Variants in TRABD2A observed in about 807,000 individuals in gnomAD.
TRABD2A encodes metalloprotease TIKI1.
TRABD2A carries 43 observed loss-of-function variants against 45.6 expected under a neutral mutation model. The ratio of observed to expected loss-of-function variants is 0.94; its 90% CI spans 0.74 to 1.22. The LOEUF is 1.22. Among genes scored for constraint, TRABD2A ranks in the 50% most tolerant of loss-of-function variants. The pLI is 0.00. For missense variants in TRABD2A, 642 were observed against 652.4 expected (o/e 0.98, Z 0.17); for synonymous variants, 269 against 265.0 (o/e 1.02, Z -0.15).
At chr2:84,850,166 C>T (rs1682031726) in intron 2 of TRABD2A, among the ~76,000 whole-genome samples, 1 of 152,088 alleles carries the variant, frequency 6.6e-6, no homozygotes, top group Non-Finnish European at 1.5e-5. Flanking sequence ...CCTTGTCACT[C>T]ACTGTCAATC....
At chr2:84,824,492 G>A (rs1157085589) in intron 5 of TRABD2A, among the ~76,000 whole-genome samples, 3 of 146,240 alleles carry the variant, frequency 2.1e-5, no homozygotes, top group Non-Finnish European at 3.0e-5. Context: ...AATTACTGTA[G>A]TTTTCCAACA....
At chr2:84,860,531 G>C (rs1347464709) in intron 2 of TRABD2A, among the ~76,000 whole-genome samples, 1 of 152,218 alleles carries the variant, frequency 6.6e-6, no homozygotes, top group African/African-American at 2.4e-5. Context: ...GACACTTTCT[G>C]TTGTTTAAGC....
chr2:84,878,382 G>A (rs1044684023), intron 1 of TRABD2A, among the ~76,000 whole-genome samples: 4 of 151,994 alleles, frequency 2.6e-5, no homozygotes, highest in South Asian at 2.1e-4. Context: ...AAAATTAGCC[G>A]GGCTTGGTGG....
chr2:84,833,886 T>C lies in TRABD2A; in HGVS notation c.992-1741A>G, dbSNP rs187760410. 4.6e-3 allele frequency: 704 copies of C among 152,364 alleles called. 5 individuals carry two copies. Among genetic ancestry groups the C allele is most frequent in the African/African-American group, 0.016 (657 of 41,490 alleles). 9.4% of individuals were successfully genotyped at this position (152,364 alleles called of 1,614,324 possible). A position where few individuals can be genotyped will look rare whatever the true frequency, so the allele number is the denominator to read the frequency against. On this transcript the variant is annotated intron_variant, in intron 4 of 6. Transcript: ENST00000409520. ...GTTGGTGTTGCCTGTTCCACCTGCC[T>C]GGCAGAACCCCCACCACGAGGGCCC...
At chr2:84,827,556 C>A (rs1375876822) in intron 5 of TRABD2A, among the ~76,000 whole-genome samples, 3 of 152,202 alleles carry the variant, frequency 2.0e-5, no homozygotes, top group African/African-American at 7.2e-5. Flanking sequence ...CCTTAGAGCA[C>A]CCCGCTGTGT....
At chr2:84,869,744 C>T (rs1397571061) in intron 2 of TRABD2A, among the ~76,000 whole-genome samples, 1 of 151,908 alleles carries the variant, frequency 6.6e-6, no homozygotes, top group Admixed American at 6.6e-5. Context: ...CTTTGGGAGG[C>T]CGAGGCAGGC....
chr2:84,878,491 C>T (rs1683104262), intron 1 of TRABD2A, among the ~76,000 whole-genome samples: 1 of 150,272 alleles, frequency 6.7e-6, no homozygotes, highest in South Asian at 2.1e-4. Flanking sequence ...CATCACTGCA[C>T]TCTAGCCTGG....
At chr2:84,860,127 T>C (rs1358123617) in intron 2 of TRABD2A, among the ~76,000 whole-genome samples, 2 of 152,154 alleles carry the variant, frequency 1.3e-5, no homozygotes, top group African/African-American at 4.8e-5. Context: ...TGTTTTCACT[T>C]TGATTGGACA....
intron 5 of TRABD2A, among the ~76,000 whole-genome samples, chr2:84,828,303 G>T (rs1681207489): frequency 6.6e-6 from 1 of 152,138 alleles, no homozygotes; most frequent in Non-Finnish European, 1.5e-5. Flanking sequence ...AAGGGAGCTG[G>T]CAGGGCCTTA....
chr2:84,828,608 A>G (rs1029190472), intron 5 of TRABD2A, among the ~76,000 whole-genome samples: 1 of 152,136 alleles, frequency 6.6e-6, no homozygotes, highest in African/African-American at 2.4e-5. Context: ...ACCTGGGACC[A>G]CTGTATGCAC....
intron 4 of TRABD2A, chr2:84,832,382 A>G: frequency 1.9e-6 from 1 of 523,660 alleles, no homozygotes; most frequent in Non-Finnish European, 3.4e-6. Flanking sequence ...CAATGCAGCA[A>G]GTTACCTGAA....
chr2:84,827,200 T>G (rs1283639836), intron 5 of TRABD2A, among the ~76,000 whole-genome samples: 2 of 152,236 alleles, frequency 1.3e-5, no homozygotes, highest in East Asian at 3.8e-4. Context: ...TCATTTTGGC[T>G]ACAATATAGG....
At chr2:84,824,444 A>G (rs1681093566) in intron 5 of TRABD2A, among the ~76,000 whole-genome samples, 1 of 151,552 alleles carries the variant, frequency 6.6e-6, no homozygotes, top group South Asian at 2.1e-4. Context: ...AGTCCTGGGG[A>G]GAAAGATCCA....
Position 84,870,439 on chromosome 2 carries a change from A to G in TRABD2A, c.455T>C (p.Leu152Pro), listed in dbSNP as rs375570199. The G allele has an allele frequency of 1.2e-5, 20 of 1,613,910 alleles. No individual in the cohort carries two copies. In the African/African-American group the frequency reaches 1.9e-4, roughly 15 times the overall value. The change falls in exon 2 of 7, where the codon CTC (leucine) becomes CCC (proline). Residue 152 changes from leucine to proline, a missense_variant. Physicochemically the swap from Leu to Pro is moderately conservative, Grantham distance 98. Coordinates refer to ENST00000409520, the MANE Select transcript of TRABD2A (RefSeq NM_001277053.2). ...QRGKGLYADY[L>P]FNAIAGNWER... ...CCAGTTTCCGGCAATAGCATTGAAG[A>G]GGTAGTCTGCGTAGAGCCCCTTGCC... is the stretch of plus-strand genomic sequence containing the variant.
At chr2:84,860,883 A>G (rs978106651) in intron 2 of TRABD2A, among the ~76,000 whole-genome samples, 1 of 152,228 alleles carries the variant, frequency 6.6e-6, no homozygotes, top group Non-Finnish European at 1.5e-5. Flanking sequence ...CCACTGGCAG[A>G]AGCCAGATGT....
intron 4 of TRABD2A, chr2:84,837,342 T>TAA (rs1463363367): frequency 6.6e-6 from 1 of 152,246 alleles, no homozygotes; most frequent in African/African-American, 2.4e-5. Flanking sequence ...TAAAGTCATT[T>TAA]TCTAGTAAGT....
intron 2 of TRABD2A, among the ~76,000 whole-genome samples, chr2:84,858,750 A>G (rs1009305875): frequency 6.6e-6 from 1 of 152,172 alleles, no homozygotes; most frequent in African/African-American, 2.4e-5. Context: ...TGCACCACAC[A>G]TGGTTCCATA....
rs371865663 is a variant in TRABD2A at position 84,870,529 on chromosome 2, C to T, written c.365G>A (p.Arg122His). The T allele has an allele frequency of 3.0e-5, 49 of 1,613,870 alleles. No homozygotes were observed. Among genetic ancestry groups the T allele is most frequent in the East Asian group, 2.9e-4 (13 of 44,896 alleles). Residue 122 changes from arginine to histidine, a missense_variant, in exon 2 of 7, where the codon CGC becomes CAC. By Grantham distance (29) the Arg-to-His change is conservative. Coordinates refer to ENST00000409520, the MANE Select transcript of TRABD2A (RefSeq NM_001277053.2). ...GACATACTCCAGGTGGCGCTTGAGG[C>T]GGCAGTAGATGTCCCTGGGGAGCAC... ...QDVLPRDIYC[R>H]LKRHLEYVKL...
chr2:84,873,059 G>A (rs1682914346), intron 1 of TRABD2A, among the ~76,000 whole-genome samples: 1 of 146,816 alleles, frequency 6.8e-6, no homozygotes, highest in African/African-American at 2.6e-5. Flanking sequence ...AGGTTGCAGT[G>A]AGCAGAGATA....
Sources: allele counts gnomAD v4.1 joint callset (sites outside exome capture counted in the v4.1 genomes callset), GRCh38; gene constraint gnomAD v4.1.1; transcripts MANE v1.5; gene names NCBI Gene and HGNC (gene_info 2026-07-23, HGNC 2026-07-21).